PTPRO: variants seen among roughly 807,000 people sequenced by gnomAD.
PTPRO encodes receptor-type tyrosine-protein phosphatase O.
A neutral mutation model predicts 145.2 loss-of-function variants in PTPRO; 62 were observed. That is an observed-to-expected ratio of 0.43 (90% CI 0.35 to 0.53). The LOEUF (loss-of-function observed/expected upper bound fraction) is 0.53, where lower values mean the gene tolerates loss of function less well. Among genes scored for constraint, PTPRO ranks in the 20% least tolerant of loss-of-function variants. The pLI is 0.01. For missense variants in PTPRO, 1,345 were observed against 1,482.7 expected, an observed-to-expected ratio of 0.91 and a Z score of 1.53; for synonymous variants, 565 against 514.7, an observed-to-expected ratio of 1.10 and a Z score of -1.32.
At chr12:15,363,453 C>T (rs1321735674) in intron 1 of PTPRO, among the ~76,000 whole-genome samples, 1 of 151,992 alleles carries the variant, frequency 6.6e-6, no homozygotes, top group Admixed American at 6.6e-5. Flanking sequence ...TTCAAAAAGA[C>T]TTTAATAGGC....
intron 14 of PTPRO, 54 bp from the exon 15 acceptor site, chr12:15,551,497 G>C: frequency 6.2e-7 from 1 of 1,600,586 alleles, no homozygotes; most frequent in Admixed American, 1.7e-5. Context: ...GAATGGTTCT[G>C]TTTGGTTCCC....
intron 21 of PTPRO, 91 bp from the exon 22 acceptor site, chr12:15,580,606 G>C: frequency 6.5e-7 from 1 of 1,530,542 alleles, no homozygotes; most frequent in Non-Finnish European, 9.0e-7. Context: ...TTTATCACCA[G>C]TAAGTTTTCA....
intron 4 of PTPRO, among the ~76,000 whole-genome samples, 195 bp from the exon 5 acceptor site, chr12:15,501,425 A>G (rs554206207): frequency 2.6e-5 from 4 of 152,306 alleles, no homozygotes; most frequent in Admixed American, 1.3e-4. Flanking sequence ...ATAGGTATAC[A>G]TCATCCACAA....
chr12:15,505,866 A>G (rs1942311035), intron 6 of PTPRO, among the ~76,000 whole-genome samples: 1 of 152,140 alleles, frequency 6.6e-6, no homozygotes, highest in Non-Finnish European at 1.5e-5. Context: ...TATAATTTAC[A>G]TTTATGTAGC....
chr12:15,353,812 C>T (rs1478505678), intron 1 of PTPRO, among the ~76,000 whole-genome samples: 2 of 152,164 alleles, frequency 1.3e-5, no homozygotes, highest in Non-Finnish European at 2.9e-5. Flanking sequence ...CCATTTCCAC[C>T]TCTTGGTAGC....
rs150910217 is a variant in PTPRO, at chr12:15,568,253, A to G, written c.2748-1164A>G. 6.6e-5 allele frequency among the ~76,000 whole-genome samples: 10 copies of G among 151,560 alleles called. No homozygotes were observed. In the East Asian group the frequency reaches 1.6e-3, roughly 24 times the overall value. On this transcript the variant is annotated intron_variant, in intron 18 of 26. Coordinates refer to ENST00000281171, the MANE Select transcript of PTPRO (RefSeq NM_030667.3). ...AAGACCACCTTGGACAACATGGTGA[A>G]ACCAAATCTCTACTAAAAATACAAA...
At chr12:15,416,113 C>T (rs1939964097) in intron 1 of PTPRO, among the ~76,000 whole-genome samples, 1 of 151,610 alleles carries the variant, frequency 6.6e-6, no homozygotes, top group Admixed American at 6.6e-5. Context: ...TCTTCTGCAC[C>T]TAGGAGAGTG....
chr12:15,581,897 A>G, intron 23 of PTPRO, 96 bp downstream of exon 23: 1 of 1,490,048 alleles, frequency 6.7e-7, no homozygotes. Flanking sequence ...CGCTAGAGGA[A>G]TTACAGACAC....
intron 1 of PTPRO, among the ~76,000 whole-genome samples, chr12:15,419,895 C>A (rs906065583): frequency 6.6e-6 from 1 of 151,488 alleles, no homozygotes; most frequent in East Asian, 1.9e-4. Context: ...CGCCTGTAAT[C>A]CCAGCACTTT....
intron 1 of PTPRO, among the ~76,000 whole-genome samples, chr12:15,476,040 G>C (rs1941645911): frequency 6.6e-6 from 1 of 152,174 alleles, no homozygotes; most frequent in Non-Finnish European, 1.5e-5. Flanking sequence ...AATTTGCAGA[G>C]AGAGAAGTTT....
chr12:15,541,806 G>A (rs1252972395), intron 12 of PTPRO, among the ~76,000 whole-genome samples: 1 of 152,182 alleles, frequency 6.6e-6, no homozygotes, highest in Admixed American at 6.5e-5. Flanking sequence ...GAGGTGAGGA[G>A]TTCGATACCA....
At chr12:15,403,345 G>A (rs1409133015) in intron 1 of PTPRO, among the ~76,000 whole-genome samples, 1 of 152,140 alleles carries the variant, frequency 6.6e-6, no homozygotes, top group East Asian at 1.9e-4. Flanking sequence ...CACTTTGGGA[G>A]GCCGAGGCGG....
In PTPRO at chr12:15,597,597, TG is replaced by T. The variant is rs755325471; in HGVS notation, c.*1525del. Among the ~76,000 whole-genome samples, 8 of 152,308 alleles carry T rather than the reference TG, an allele frequency of 5.3e-5. No homozygotes were observed. The East Asian group carries it at 1.2e-3, about 22-fold the overall frequency. On this transcript the variant is annotated 3_prime_UTR_variant, in exon 27 of 27. Transcript: ENST00000281171. ...AACAGCTCTGCACCCCACCGTCTCTTGTCACTGAAAAGGCTTGGCCATGGCA... is the reference window on the plus strand; with the variant it reads ...AACAGCTCTGCACCCCACCGTCTCTTTCACTGAAAAGGCTTGGCCATGGCA...
At chr12:15,403,412 G>A (rs376022366) in intron 1 of PTPRO, among the ~76,000 whole-genome samples, 8 of 151,954 alleles carry the variant, frequency 5.3e-5, no homozygotes, top group East Asian at 3.9e-4. Flanking sequence ...GTGAAACTCC[G>A]TCTCTAGTAA....
intron 1 of PTPRO, among the ~76,000 whole-genome samples, chr12:15,375,569 A>C (rs1242891381): frequency 6.6e-6 from 1 of 152,050 alleles, no homozygotes; most frequent in Non-Finnish European, 1.5e-5. Flanking sequence ...CAGCCTGGCC[A>C]AGATGGTGAA....
intron 1 of PTPRO, among the ~76,000 whole-genome samples, chr12:15,407,957 TTGA>T (rs1412448377): frequency 1.3e-5 from 2 of 152,158 alleles, no homozygotes; most frequent in African/African-American, 4.8e-5. Flanking sequence ...GATGAGGGAT[TTGA>T]TGATAAGGAC....
intron 1 of PTPRO, among the ~76,000 whole-genome samples, chr12:15,352,295 G>A (rs1344361148): frequency 6.6e-6 from 1 of 152,148 alleles, no homozygotes; most frequent in Non-Finnish European, 1.5e-5. Context: ...AGCCAGGAAG[G>A]CACTATTTTC....
At chr12:15,570,687 T>C (rs1366317550) in intron 19 of PTPRO, among the ~76,000 whole-genome samples, 2 of 152,170 alleles carry the variant, frequency 1.3e-5, no homozygotes, top group Admixed American at 6.5e-5. Flanking sequence ...TCAGAAAGTA[T>C]ATCAAGGAAA....
At chr12:15,404,868 T>C (rs1316796709) in intron 1 of PTPRO, among the ~76,000 whole-genome samples, 1 of 152,176 alleles carries the variant, frequency 6.6e-6, no homozygotes, top group Non-Finnish European at 1.5e-5. Flanking sequence ...GTGGCAGAAA[T>C]TGGTTTCTCA....
Sources: allele counts gnomAD v4.1 joint callset (sites outside exome capture counted in the v4.1 genomes callset), GRCh38; gene constraint gnomAD v4.1.1; transcripts MANE v1.5; gene names NCBI Gene and HGNC (gene_info 2026-07-23, HGNC 2026-07-21).